Variants in COG7 observed in about 807,000 individuals in gnomAD.
The protein encoded by COG7 is conserved oligomeric Golgi complex subunit 7.
Under a neutral mutation model 91.5 loss-of-function variants are expected in COG7, and 49 were observed. That is an observed-to-expected ratio of 0.54 (90% CI 0.43 to 0.68). The LOEUF is 0.68. Among genes scored for constraint, COG7 ranks in the 30% least tolerant of loss-of-function variants. The pLI is 0.00. For synonymous variants in COG7, 365 were observed against 388.7 expected (o/e 0.94, Z 0.72); for missense variants, 895 against 961.3 (o/e 0.93, Z 0.91).
At chr16:23,448,323 C>A (rs1329224169) in intron 1 of COG7, among the ~76,000 whole-genome samples, 2 of 152,164 alleles carry the variant, frequency 1.3e-5, no homozygotes, top group Non-Finnish European at 2.9e-5. Context: ...CTAATAATAA[C>A]ACTACTAATT....
At chr16:23,392,173 A>G (rs771304800) in intron 16 of COG7, 72 of 1,454,624 alleles carry the variant, frequency 4.9e-5, no homozygotes, top group Non-Finnish European at 6.3e-5. Flanking sequence ...TCGAAAACAT[A>G]GATGTCTGAG....
intron 6 of COG7, among the ~76,000 whole-genome samples, chr16:23,426,818 C>CAAAAAAAAAAAA (rs1176659874): frequency 3.3e-4 from 20 of 59,956 alleles, no homozygotes; most frequent in East Asian, 4.6e-4. Context: ...AGCAATTGGA[C>CAAAAAAAAAAAA]AAAAAAAAAA....
intron 10 of COG7, among the ~76,000 whole-genome samples, chr16:23,411,143 A>G (rs1963555249): frequency 6.6e-6 from 1 of 152,230 alleles, no homozygotes; most frequent in Non-Finnish European, 1.5e-5. Flanking sequence ...AGATTAATCC[A>G]TTTGTTTCTC....
intron 7 of COG7, among the ~76,000 whole-genome samples, chr16:23,423,550 T>C (rs1054156670): frequency 6.6e-6 from 1 of 152,194 alleles, no homozygotes; most frequent in African/African-American, 2.4e-5. Flanking sequence ...CACGGTCCCT[T>C]GGAAGCTTCC....
Position 23,432,135 on chromosome 16 carries a change from A to G in COG7, c.810+1410T>C, listed in dbSNP as rs546457525. Among the ~76,000 whole-genome samples, 3 of 152,288 alleles carry G rather than the reference A, an allele frequency of 2.0e-5. No homozygotes were observed. In the East Asian group the frequency reaches 5.8e-4, roughly 29 times the overall value. Reference sequence around the variant, plus strand: ...GCACTCTAGCCTGCATGACAGAGCAAGACTCTGTCTCAAACAAAACAAAAC... The same window carrying G: ...GCACTCTAGCCTGCATGACAGAGCAGGACTCTGTCTCAAACAAAACAAAAC... On this transcript the variant is annotated intron_variant, in intron 6 of 16. Transcript: ENST00000307149.
chr16:23,395,135 G>T (rs557233274), intron 14 of COG7, among the ~76,000 whole-genome samples: 1 of 152,280 alleles, frequency 6.6e-6, no homozygotes, highest in East Asian at 1.9e-4. Context: ...GAGGTACACA[G>T]ATGGTAAAAT....
chr16:23,392,280 A>T, intron 16 of COG7, 100 bp downstream of exon 16: 1 of 1,575,694 alleles, frequency 6.3e-7, no homozygotes, highest in Admixed American at 1.8e-5. Flanking sequence ...GCTGAAGCTA[A>T]GGGAAGACTT....
At chr16:23,434,593 G>T in intron 5 of COG7, 43 bp downstream of exon 5, 2 of 1,360,990 alleles carry the variant, frequency 1.5e-6, no homozygotes, top group Non-Finnish European at 2.1e-6. Flanking sequence ...AGAGTTATGA[G>T]CATTCCACAA....
rs1230889916 is a variant in COG7, at chr16:23,417,008, C to T, written c.1251G>A (p.Gly417=). Residue 417 remains glycine, a synonymous_variant, in exon 9 of 17, where the codon GGG becomes GGA. Transcript: ENST00000307149. ...TCAGGGCTGACAACAGGCCGCAGGT[C>T]CCCAGGCCATTGGTGAATCTGACGC... The part of the protein sequence containing the change: ...DRCVRFTNGL[G]TCGLLSALKS... 3 of 1,614,214 alleles carry T rather than the reference C, an allele frequency of 1.9e-6. No individual in the cohort carries two copies.
rs545720243 is a variant in COG7 at position 23,436,992 on chromosome 16, G to A, written c.605-2274C>T. ...TGGGGAAGCTGGTAAAAGTCTGGGC[G>A]CTAAGGGTGGTGCAGAACAGTACAA... On this transcript the variant is annotated intron_variant, in intron 4 of 16. Transcript: ENST00000307149. Among the ~76,000 whole-genome samples, 4 of 152,274 alleles carry A rather than the reference G, an allele frequency of 2.6e-5. No individual in the cohort carries two copies. In the East Asian group the frequency reaches 5.8e-4, roughly 22 times the overall value.
chr16:23,413,519 C>T lies in COG7; in HGVS notation c.1338G>A (p.Lys446=), dbSNP rs1963601710. Reference sequence around the variant, plus strand: ...TGGGAGGAATGTGGTCCAGTTTGCACTTCTTTCGTATGGACTGGAGAGTGC... The same window carrying T: ...TGGGAGGAATGTGGTCCAGTTTGCATTTCTTTCGTATGGACTGGAGAGTGC... ...FTSTLQSIRK[K]CKLDHIPPNS... is the part of the protein sequence containing the mutation. Residue 446 remains lysine, a synonymous_variant, in exon 10 of 17, where the codon AAG becomes AAA. Transcript: ENST00000307149. 6.2e-7 allele frequency: 1 copy of T among 1,613,266 alleles called. No individual in the cohort carries two copies. Among genetic ancestry groups the T allele is most frequent in the Non-Finnish European group, 8.5e-7 (1 of 1,179,236 alleles).
intron 14 of COG7, chr16:23,394,933 G>T (rs1176794062): frequency 6.6e-6 from 1 of 151,922 alleles, no homozygotes; most frequent in Non-Finnish European, 1.5e-5. Flanking sequence ...AGCCTCCCGA[G>T]TAGCTGGGAT....
In COG7 at chr16:23,389,081, G is replaced by C; in HGVS notation, c.2152C>G (p.Leu718Val). ...AKQLATDIDYLINVMDALGLQ... is the reference protein window; with the variant it reads ...AKQLATDIDYVINVMDALGLQ... ...CCCAGGGCATCCATCACGTTGATCAGATAGTCTGTGGGGGCGGAGAGGAGA... is the reference window on the plus strand; with the variant it reads ...CCCAGGGCATCCATCACGTTGATCACATAGTCTGTGGGGGCGGAGAGGAGA... The change falls in exon 17 of 17, where the codon CTG (leucine) becomes GTG (valine). Residue 718 changes from leucine to valine, a missense_variant. Physicochemically the swap from Leu to Val is conservative, Grantham distance 32 (BLOSUM62 1). Transcript: ENST00000307149. 6.2e-7 allele frequency: 1 copy of C among 1,613,910 alleles called. No homozygotes were observed. Among genetic ancestry groups the C allele is most frequent in the Non-Finnish European group, 8.5e-7 (1 of 1,179,988 alleles).
chr16:23,403,764 G>C lies in COG7; in HGVS notation c.1733C>G (p.Ala578Gly), dbSNP rs1259583661. 2 of 1,614,124 alleles carry C rather than the reference G, an allele frequency of 1.2e-6. No individual in the cohort carries two copies. Among genetic ancestry groups the C allele is most frequent in the South Asian group, 2.2e-5 (2 of 91,080 alleles). The change falls in exon 13 of 17, where the codon GCC becomes GGC. Residue 578 changes from alanine (A) to glycine (G), a missense_variant. Transcript: ENST00000307149. ...CACGGAATCGAAAGCCAGCTGGTGG[G>C]CCTGCTGGTTAAGCCGAGTCAGCGC... Reference protein sequence around the residue: ...RAALTRLNQQAHQLAFDSVFL... With the variant: ...RAALTRLNQQGHQLAFDSVFL...
At chr16:23,452,737 G>A in intron 1 of COG7, 89 bp downstream of exon 1, 1 of 1,522,702 alleles carries the variant, frequency 6.6e-7, no homozygotes, top group Non-Finnish European at 8.8e-7. Flanking sequence ...TGCGTGCCCC[G>A]CCCACCTGAG....
chr16:23,406,393 T>C (rs1398314446), intron 11 of COG7, 131 bp from the exon 12 acceptor site: 2 of 827,642 alleles, frequency 2.4e-6, no homozygotes, highest in East Asian at 2.6e-5. Flanking sequence ...GTCCAGTTTA[T>C]AAGGCAACGA....
chr16:23,418,750 C>A lies in COG7; in HGVS notation c.1087G>T (p.Gly363Cys). ...DPYKPYQLKY[G>C]DMEESNLLIQ... ...AGGAGGTTGCTCTCTTCCATGTCGCCATACTTCAGCTGGTAGGGTTTGTAT... is the reference window on the plus strand; with the variant it reads ...AGGAGGTTGCTCTCTTCCATGTCGCAATACTTCAGCTGGTAGGGTTTGTAT... Residue 363 changes from glycine (G) to cysteine (C), a missense_variant, in exon 8 of 17, where the codon GGC becomes TGC. Transcript: ENST00000307149. 1 of 1,613,912 alleles carries A rather than the reference C, an allele frequency of 6.2e-7. No homozygotes were observed. Among genetic ancestry groups the A allele is most frequent in the Non-Finnish European group, 8.5e-7 (1 of 1,179,852 alleles).
chr16:23,446,090 C>T (rs1964178524), intron 1 of COG7, 129 bp from the exon 2 acceptor site: 25 of 1,145,416 alleles, frequency 2.2e-5, no homozygotes, highest in South Asian at 4.3e-5. Flanking sequence ...ACCAACCAAA[C>T]GGTTTTTGGA....
intron 1 of COG7, 68 bp downstream of exon 1, chr16:23,452,758 A>C: frequency 2.6e-6 from 4 of 1,548,220 alleles, no homozygotes; most frequent in Non-Finnish European, 3.5e-6. Flanking sequence ...TGCCTCACGC[A>C]AGTTCGGTGA....
Sources: allele counts gnomAD v4.1 joint callset (sites outside exome capture counted in the v4.1 genomes callset), GRCh38; gene constraint gnomAD v4.1.1; transcripts MANE v1.5; gene names NCBI Gene and HGNC (gene_info 2026-07-23, HGNC 2026-07-21).